PCDHGA1: variants seen among roughly 807,000 people sequenced by gnomAD.
PCDHGA1 encodes protocadherin gamma-A1.
A neutral mutation model predicts 58.0 loss-of-function variants in PCDHGA1; 32 were observed. The ratio of observed to expected loss-of-function variants is 0.55; its 90% confidence interval spans 0.42 to 0.74. The LOEUF is 0.74. Ranked by LOEUF, PCDHGA1 falls within the 30% of genes least tolerant of loss-of-function variation. The pLI is 0.00. For synonymous variants in PCDHGA1, 498 were observed against 501.1 expected, an observed-to-expected ratio of 0.99 and a Z score of 0.08; for missense variants, 1,205 against 1,182.3, an observed-to-expected ratio of 1.02 and a Z score of -0.28.
Position 141,512,910 on chromosome 5 carries a change from T to C in PCDHGA1, c.*1737T>C, listed in dbSNP as rs2099884499. On this transcript the variant is annotated 3_prime_UTR_variant, in exon 4 of 4. Transcript: ENST00000517417. Reference sequence around the variant, plus strand: ...CTCTTCCTGTGTCTCACGCAAGTTTTATACTCTAATATTTATATGGCTTTT... The same window carrying C: ...CTCTTCCTGTGTCTCACGCAAGTTTCATACTCTAATATTTATATGGCTTTT... 1 of 152,274 alleles carries C rather than the reference T, an allele frequency of 6.6e-6. No homozygotes were observed. The highest frequency in any genetic ancestry group is 2.1e-4 in the South Asian group (1 of 4,836). 9.4% of individuals were successfully genotyped at this position (152,274 alleles called of 1,614,324 possible). A position where few individuals can be genotyped will look rare whatever the true frequency, so the allele number is the denominator to read the frequency against.
At position 141,454,796 on chromosome 5, in the gene PCDHGA1, ATTT is replaced by A. The variant is rs61612330; in HGVS notation, c.2422-39984_2422-39982del. On this transcript the variant is annotated intron_variant, in intron 1 of 3. Coordinates refer to ENST00000517417, the MANE Select transcript of PCDHGA1 (RefSeq NM_018912.3). ...AAGGAAATAATCCTCCATGGTTCTA[ATTT>A]TTTTTTTTTTTTTTTTTTTTTTTTT... is the stretch of plus-strand genomic sequence containing the variant. 8.4e-3 allele frequency among the ~76,000 whole-genome samples: 651 copies of A among 77,268 alleles called. 2 individuals are homozygous for A. Among genetic ancestry groups the A allele is most frequent in the African/African-American group, 0.012 (206 of 16,834 alleles). The allele number at this position is 77,268 out of a possible 152,430, so 50.7% of individuals were successfully genotyped here. A position where few individuals can be genotyped will look rare whatever the true frequency, so the allele number is the denominator to read the frequency against.
At position 141,362,552 on chromosome 5, in the gene PCDHGA1, T is replaced by C. The variant is rs190493890; in HGVS notation, c.2421+29447T>C. 340 of 1,612,744 alleles carry C rather than the reference T, an allele frequency of 2.1e-4. 1 individual carries two copies. The East Asian group carries it at 6.1e-3, about 29-fold the overall frequency. ...GTCCCTTTTGCCTCAGATACTATTT[T>C]GAAGGTGAGCTTTAATTAATTTATT... On this transcript the variant is annotated intron_variant, in intron 1 of 3. Transcript: ENST00000517417.
At chr5:141,366,918 A>G in intron 1 of PCDHGA1, 1 of 1,091,754 alleles carries the variant, frequency 9.2e-7, no homozygotes, top group Non-Finnish European at 1.3e-6. Context: ...TTTGTTTTCA[A>G]ATTCTGTTTT....
chr5:141,399,812 C>T (rs1561672586), intron 1 of PCDHGA1: 1 of 1,613,222 alleles, frequency 6.2e-7, no homozygotes, highest in South Asian at 1.1e-5. Context: ...CTGTACCCCG[C>T]GCTGGGTCCC....
intron 1 of PCDHGA1, chr5:141,357,850 C>A: frequency 1.6e-6 from 1 of 608,648 alleles, no homozygotes. Context: ...TAGTTTCAGC[C>A]AGAATTTTCT....
intron 1 of PCDHGA1, chr5:141,408,283 C>A: frequency 6.2e-7 from 1 of 1,612,756 alleles, no homozygotes; most frequent in Non-Finnish European, 8.5e-7. Context: ...TGTTCTACCC[C>A]ACCCTGAGTG....
intron 1 of PCDHGA1, chr5:141,415,634 C>T: frequency 6.3e-7 from 1 of 1,589,948 alleles, no homozygotes; most frequent in East Asian, 2.3e-5. Flanking sequence ...TTCATTTTTA[C>T]TTTTGTTAAA....
intron 1 of PCDHGA1, chr5:141,383,027 C>T (rs752703068): frequency 1.2e-6 from 2 of 1,613,838 alleles, no homozygotes; most frequent in Admixed American, 1.7e-5. Context: ...GACAAAGGGT[C>T]CTTTGTGGGA....
At chr5:141,508,824 G>T (rs893436748) in intron 3 of PCDHGA1, among the ~76,000 whole-genome samples, 1 of 151,952 alleles carries the variant, frequency 6.6e-6, no homozygotes, top group Non-Finnish European at 1.5e-5. Context: ...CCAGATCTGG[G>T]CCCCCCTCCC....
intron 1 of PCDHGA1, among the ~76,000 whole-genome samples, chr5:141,459,059 A>G (rs1219921155): frequency 2.6e-5 from 4 of 152,228 alleles, no homozygotes; most frequent in African/African-American, 4.8e-5. Context: ...AGTATAATTT[A>G]TATAACATAA....
chr5:141,489,558 G>A lies in PCDHGA1; in HGVS notation c.2422-5249G>A. On this transcript the variant is annotated intron_variant, in intron 1 of 3. Coordinates refer to ENST00000517417, the MANE Select transcript of PCDHGA1 (RefSeq NM_018912.3). The surrounding 1 kb of genome is among the most constrained non-coding windows in gnomAD (Gnocchi z 4.5). ...CCAGCACCAGCTGCCTGCTGCCAGT[G>A]CAGGTGGTGACTGAACACCCCCTGG... 1 of 1,614,130 alleles carries A rather than the reference G, an allele frequency of 6.2e-7. No individual in the cohort carries two copies. Among genetic ancestry groups the A allele is most frequent in the Non-Finnish European group, 8.5e-7 (1 of 1,180,024 alleles).
At chr5:141,384,070 C>A (rs762136393) in intron 1 of PCDHGA1, 2 of 1,603,864 alleles carry the variant, frequency 1.2e-6, no homozygotes, top group Admixed American at 3.4e-5. Context: ...AGAAAACCTA[C>A]CTTTTAAATT....
rs534377172 is a variant in PCDHGA1 at position 141,352,119 on chromosome 5, G to A, written c.2421+19014G>A. The A allele has an allele frequency of 2.3e-5, 37 of 1,609,336 alleles. No homozygotes were observed. The East Asian group carries it at 6.0e-4, about 26-fold the overall frequency. On this transcript the variant is annotated intron_variant, in intron 1 of 3. Coordinates refer to ENST00000517417, the MANE Select transcript of PCDHGA1 (RefSeq NM_018912.3). ...CTCTTCAGCCTGGGGTTGCGCACGG[G>A]TGAGGTGCGCACAGCGCGTGCCTTG...
At chr5:141,376,652 C>T (rs1030026607) in intron 1 of PCDHGA1, 3 of 877,708 alleles carry the variant, frequency 3.4e-6, no homozygotes, top group East Asian at 2.7e-5. Context: ...AAGTGGAAGA[C>T]TCCCTTGTTC....
chr5:141,503,377 A>G lies in PCDHGA1; in HGVS notation c.2481-2016A>G, dbSNP rs534841057. Among the ~76,000 whole-genome samples, 4 of 152,142 alleles carry G rather than the reference A, an allele frequency of 2.6e-5. No homozygotes were observed. In the East Asian group the frequency reaches 7.8e-4, roughly 30 times the overall value. The stretch of plus-strand genomic sequence containing the variant: ...TTTGGGAAGCGGAGGCAGGTGGATC[A>G]TGAGGTCAGGAGTTCGAAACCAACC... On this transcript the variant is annotated intron_variant, in intron 2 of 3. Coordinates refer to ENST00000517417, the MANE Select transcript of PCDHGA1 (RefSeq NM_018912.3).
chr5:141,490,837 G>A lies in PCDHGA1; in HGVS notation c.2422-3970G>A. On this transcript the variant is annotated intron_variant, in intron 1 of 3. Coordinates refer to ENST00000517417, the MANE Select transcript of PCDHGA1 (RefSeq NM_018912.3). This position sits in a 1 kb window ranked among gnomAD's most constrained non-coding sequence, Gnocchi z 5.4. ...TGAATTGCTGCAGATGCTGCAGATTGTGGTGGGGGTTCGAGACTCCGGCTC... is the reference window on the plus strand; with the variant it reads ...TGAATTGCTGCAGATGCTGCAGATTATGGTGGGGGTTCGAGACTCCGGCTC... The A allele has an allele frequency of 1.9e-6, 3 of 1,613,914 alleles. No homozygotes were observed. The highest frequency in any genetic ancestry group is 2.2e-5 in the South Asian group (2 of 91,072).
In PCDHGA1 at chr5:141,489,223, C is replaced by T. The variant is rs771455540; in HGVS notation, c.2422-5584C>T. The T allele has an allele frequency of 6.6e-7, 1 of 1,515,444 alleles. No homozygotes were observed. The highest frequency in any genetic ancestry group is 1.3e-5 in the South Asian group (1 of 75,776). 93.9% of individuals were successfully genotyped at this position (1,515,444 alleles called of 1,614,324 possible). A position where few individuals can be genotyped will look rare whatever the true frequency, so the allele number is the denominator to read the frequency against. The stretch of plus-strand genomic sequence containing the variant: ...CAGGACAGCACAGACTTACTCTCCA[C>T]AAAGGGACTTCTGGGTCATGGGGCC... On this transcript the variant is annotated intron_variant, in intron 1 of 3. Coordinates refer to ENST00000517417, the MANE Select transcript of PCDHGA1 (RefSeq NM_018912.3). The surrounding 1 kb of genome is among the most constrained non-coding windows in gnomAD (Gnocchi z 4.5).
chr5:141,461,323 T>C (rs2099013372), intron 1 of PCDHGA1, among the ~76,000 whole-genome samples: 1 of 152,176 alleles, frequency 6.6e-6, no homozygotes, highest in African/African-American at 2.4e-5. Context: ...TTTTTAATAA[T>C]GGCCATTCTT....
In PCDHGA1 at chr5:141,404,750, C is replaced by G. The variant is rs1321458841; in HGVS notation, c.2421+71645C>G. The stretch of plus-strand genomic sequence containing the variant: ...GGTGGCAGTGGACAGAGACTCAGGC[C>G]AGAATGCTTGGCTCTCCTACCGCCT... On this transcript the variant is annotated intron_variant, in intron 1 of 3. Coordinates refer to ENST00000517417, the MANE Select transcript of PCDHGA1 (RefSeq NM_018912.3). 10 of 1,613,702 alleles carry G rather than the reference C, an allele frequency of 6.2e-6. No homozygotes were observed. In the African/African-American group the frequency reaches 1.3e-4, roughly 22 times the overall value.
Sources: gnomAD v4.1 joint callset for allele counts (sites outside exome capture counted in the v4.1 genomes callset) on GRCh38, gnomAD v4.1.1 for gene constraint, Gnocchi (gnomAD v3.1) non-coding constraint, MANE v1.5 for transcripts, NCBI Gene and HGNC (gene_info 2026-07-23, HGNC 2026-07-21) for gene names.